Variants in MUC12 observed in about 807,000 individuals in gnomAD.
The protein encoded by MUC12 is mucin-12.
In MUC12, 172 loss-of-function variants were observed where a neutral mutation model predicts 230.8. The ratio of observed to expected loss-of-function variants is 0.75; its 90% CI spans 0.66 to 0.85. The LOEUF (loss-of-function observed/expected upper bound fraction) is 0.85, where lower values mean the gene tolerates loss of function less well. MUC12 is among the 40% of genes least tolerant of loss of function. MUC12 has a pLI of 0.00. For missense variants in MUC12, 3,506 were observed against 5,920.6 expected, an observed-to-expected ratio of 0.59 and a Z score of 13.38; for synonymous variants, 1,259 against 2,401.9, an observed-to-expected ratio of 0.52 and a Z score of 13.91.
At chr7:100,972,992 G>C (rs1403155347) in intron 1 of MUC12, 2 of 703,004 alleles carry the variant, frequency 2.8e-6, no homozygotes, top group Non-Finnish European at 5.2e-6. Flanking sequence ...AAAGATGAGG[G>C]GGCATCTGCT....
chr7:100,995,990 T>G lies in MUC12; in HGVS notation c.5427T>G (p.Ser1809=). 1 of 763,640 alleles carries G rather than the reference T, an allele frequency of 1.3e-6. No homozygotes were observed. The highest frequency in any genetic ancestry group is 1.9e-6 in the Non-Finnish European group (1 of 517,550). The allele number at this position is 763,640 out of a possible 1,614,324, so 47.3% of individuals were successfully genotyped here. ...TSHSSTTHTI[S]SPPSTTSALV... ...ACAGCAGCACAACACACACAATATC[T>G]TCACCTCCTAGCACCACATCTGCCC... Residue 1809 remains serine (S), a synonymous_variant, in exon 2 of 12, where the codon TCT becomes TCG. Transcript: ENST00000536621.
At chr7:100,981,876 T>TC (rs1169989845) in intron 1 of MUC12, among the ~76,000 whole-genome samples, 2 of 149,914 alleles carry the variant, frequency 1.3e-5, no homozygotes, top group Non-Finnish European at 3.0e-5. Flanking sequence ...CTTTTTTTTT[T>TC]TTTTTTTTGA....
At chr7:101,007,395 TC>T (rs1382998480) in intron 3 of MUC12, among the ~76,000 whole-genome samples, 2 of 152,174 alleles carry the variant, frequency 1.3e-5, no homozygotes, top group African/African-American at 4.8e-5. Context: ...CCCTCTCACC[TC>T]CACCCTACTA....
chr7:101,006,417 GT>G, intron 2 of MUC12, 53 bp from the exon 3 acceptor site: 1 of 1,293,116 alleles, frequency 7.7e-7, no homozygotes, highest in Non-Finnish European at 1.1e-6. Context: ...GGGAGTGCGT[GT>G]TTTTGCTCTT....
In MUC12 at chr7:100,990,907, C is replaced by A. The variant is rs559764350; in HGVS notation, c.344C>A (p.Thr115Asn). The A allele has an allele frequency of 2.6e-6, 4 of 1,537,870 alleles. No homozygotes were observed. Among genetic ancestry groups the A allele is most frequent in the Admixed American group, 3.9e-5 (2 of 51,004 alleles). ...GGAGAACCTAAAACCTCACCCATCA[C>A]TTCAGCCTCAATGGAAACAACAGCG... Reference protein sequence around the residue: ...FVGEPKTSPITSASMETTALP... With the variant: ...FVGEPKTSPINSASMETTALP... Residue 115 changes from threonine to asparagine, a missense_variant, in exon 2 of 12, where the codon ACT becomes AAT. By Grantham distance (65) the Thr-to-Asn change is moderately conservative. Coordinates refer to ENST00000536621, the MANE Select transcript of MUC12 (RefSeq NM_001164462.2).
At position 101,013,080 on chromosome 7, in the gene MUC12, G is replaced by C. The variant is rs112092593; in HGVS notation, c.15576G>C (p.Thr5192=). ...LACVNKCTKG[T]KSQMNCNLGT... ...GTGTGAACAAGTGCACCAAAGGAAC[G>C]AAGTCGCAAATGAACTGTAACCTGG... The change falls in exon 8 of 12, where the codon ACG becomes ACC. Residue 5192 remains threonine, a synonymous_variant. Coordinates refer to ENST00000536621, the MANE Select transcript of MUC12 (RefSeq NM_001164462.2). 6.5e-7 allele frequency: 1 copy of C among 1,537,282 alleles called. No individual in the cohort carries two copies. Among genetic ancestry groups the C allele is most frequent in the South Asian group, 1.2e-5 (1 of 84,064 alleles).
rs201496632 is a variant in MUC12 at position 100,994,184 on chromosome 7, C to T, written c.3621C>T (p.Thr1207=). ...HTTLFTEDST[T]SGLTEESTAF... is the part of the protein sequence containing the mutation. ...CACTGTTCACTGAGGACAGCACCAC[C>T]TCGGGCCTCACTGAAGAATCTACAG... The change falls in exon 2 of 12, where the codon ACC becomes ACT. Residue 1207 remains threonine (T), a synonymous_variant. Coordinates refer to ENST00000536621, the MANE Select transcript of MUC12 (RefSeq NM_001164462.2). 152,119 of 1,057,050 alleles carry T rather than the reference C, an allele frequency of 0.14. 50,187 individuals carry two copies. The highest frequency in any genetic ancestry group is 0.46 in the Admixed American group (18,625 of 40,308). The allele number at this position is 1,057,050 out of a possible 1,614,324, so 65.5% of individuals were successfully genotyped here.
In MUC12 at chr7:100,998,179, C is replaced by T; in HGVS notation, c.7616C>T (p.Ser2539Phe). 2 of 902,414 alleles carry T rather than the reference C, an allele frequency of 2.2e-6. No individual in the cohort carries two copies. Among genetic ancestry groups the T allele is most frequent in the Non-Finnish European group, 3.3e-6 (2 of 602,522 alleles). The allele number at this position is 902,414 out of a possible 1,614,324, so 55.9% of individuals were successfully genotyped here. ...CGCACAACACTGTCCCCTGCCAGCT[C>T]CACAAGCCCTGGACTTCAGGGAGAA... Reference protein sequence around the residue: ...SPRTTLSPASSTSPGLQGEST... With the variant: ...SPRTTLSPASFTSPGLQGEST... Residue 2539 changes from serine (S) to phenylalanine (F), a missense_variant, in exon 2 of 12, where the codon TCC becomes TTC. Transcript: ENST00000536621.
In MUC12 at chr7:100,990,706, C is replaced by T; in HGVS notation, c.143C>T (p.Thr48Ile). The change falls in exon 2 of 12, where the codon ACC (threonine) becomes ATC (isoleucine). Residue 48 changes from threonine (T) to isoleucine (I), a missense_variant. Coordinates refer to ENST00000536621, the MANE Select transcript of MUC12 (RefSeq NM_001164462.2). Reference protein sequence around the residue: ...STPSSSDPFTTFSDYGVSVTF... With the variant: ...STPSSSDPFTIFSDYGVSVTF... ...CCCAGTTCAAGCGACCCTTTTACCA[C>T]CTTTAGTGACTATGGGGTGTCAGTC... 1 of 1,537,908 alleles carries T rather than the reference C, an allele frequency of 6.5e-7. No individual in the cohort carries two copies. Among genetic ancestry groups the T allele is most frequent in the Non-Finnish European group, 8.7e-7 (1 of 1,147,068 alleles).
Position 100,991,426 on chromosome 7 carries a change from C to G in MUC12, c.863C>G (p.Ser288Trp), listed in dbSNP as rs1198721514. The G allele has an allele frequency of 6.5e-7, 1 of 1,537,826 alleles. No individual in the cohort carries two copies. Among genetic ancestry groups the G allele is most frequent in the Non-Finnish European group, 8.7e-7 (1 of 1,147,038 alleles). Residue 288 changes from serine (S) to tryptophan (W), a missense_variant, in exon 2 of 12, where the codon TCG becomes TGG. Transcript: ENST00000536621. ...FQSWPSSKDT[S>W]PAPSGTTSAF... Reference sequence around the variant, plus strand: ...AGCTGGCCAAGCTCAAAGGACACTTCGCCTGCACCTTCTGGTACCACATCA... The same window carrying G: ...AGCTGGCCAAGCTCAAAGGACACTTGGCCTGCACCTTCTGGTACCACATCA...
chr7:101,018,617 T>C lies in MUC12; in HGVS notation c.15989T>C (p.Met5330Thr), dbSNP rs1228173955. 6.5e-7 allele frequency: 1 copy of C among 1,536,008 alleles called. No homozygotes were observed. The highest frequency in any genetic ancestry group is 8.7e-7 in the Non-Finnish European group (1 of 1,146,278). The change falls in exon 12 of 12, where the codon ATG becomes ACG. Residue 5330 changes from methionine to threonine, a missense_variant. Physicochemically the swap from Met to Thr is moderately conservative, Grantham distance 81 (BLOSUM62 -1). Transcript: ENST00000536621. ...GTELHIQRPE[M>T]VASTV is the part of the protein sequence containing the mutation. ...CAGCTCCACATCCAGAGGCCGGAGATGGTAGCATCCACTGTGTGAGCCAAC... is the reference window on the plus strand; with the variant it reads ...CAGCTCCACATCCAGAGGCCGGAGACGGTAGCATCCACTGTGTGAGCCAAC...
chr7:101,005,377 C>A lies in MUC12; in HGVS notation c.14814C>A (p.Ile4938=), dbSNP rs935410705. 1 of 1,537,790 alleles carries A rather than the reference C, an allele frequency of 6.5e-7. No individual in the cohort carries two copies. Among genetic ancestry groups the A allele is most frequent in the Non-Finnish European group, 8.7e-7 (1 of 1,147,070 alleles). Residue 4938 remains isoleucine (I), a synonymous_variant, in exon 2 of 12, where the codon ATC becomes ATA. Transcript: ENST00000536621. The part of the protein sequence containing the change: ...DLVGEPTTFY[I]SPSPTYTTLF... ...TTGGAGAACCTACAACTTTCTACATCAGCCCATCCCCTACTTACACAACAC... is the reference window on the plus strand; with the variant it reads ...TTGGAGAACCTACAACTTTCTACATAAGCCCATCCCCTACTTACACAACAC...
In MUC12 at chr7:100,971,691, C is replaced by G. The variant is rs553056418; in HGVS notation, c.67+2002C>G. Among the ~76,000 whole-genome samples the G allele has an allele frequency of 2.5e-3, 386 of 152,234 alleles. No individual in the cohort carries two copies. In the East Asian group the frequency reaches 0.037, roughly 15 times the overall value. On this transcript the variant is annotated intron_variant, in intron 1 of 11. Coordinates refer to ENST00000536621, the MANE Select transcript of MUC12 (RefSeq NM_001164462.2). Reference sequence around the variant, plus strand: ...AGTTTATTAATAAGACATAGATTCCCTTTAAGTTCACCTACAGAAGTGGGA... The same window carrying G: ...AGTTTATTAATAAGACATAGATTCCGTTTAAGTTCACCTACAGAAGTGGGA...
intron 1 of MUC12, chr7:100,973,007 G>A: frequency 1.6e-6 from 1 of 633,798 alleles, no homozygotes; most frequent in East Asian, 2.8e-5. Context: ...TCTGCTGGAT[G>A]GAGCGTGATG....
intron 10 of MUC12, 106 bp downstream of exon 10, chr7:101,015,797 GT>G: frequency 9.7e-7 from 1 of 1,034,338 alleles, no homozygotes; most frequent in Non-Finnish European, 1.4e-6. Flanking sequence ...CCCCTTTGGG[GT>G]GGCTGTGACT....
At chr7:101,006,325 C>G (rs550125752) in intron 2 of MUC12, 146 bp from the exon 3 acceptor site, 1 of 619,158 alleles carries the variant, frequency 1.6e-6, no homozygotes, top group South Asian at 1.9e-5. Flanking sequence ...GCAGAGGTGG[C>G]AGCAGAGGCA....
In MUC12 at chr7:100,991,692, T is replaced by C. The variant is rs751932100; in HGVS notation, c.1129T>C (p.Ser377Pro). 3 of 1,537,554 alleles carry C rather than the reference T, an allele frequency of 2.0e-6. No homozygotes were observed. Among genetic ancestry groups the C allele is most frequent in the African/African-American group, 2.7e-5 (2 of 72,964 alleles). ...STQTMHFPES[S>P]TTSGHSEESA... ...TCAAACAATGCACTTCCCTGAAAGC[T>C]CCACAACTTCAGGCCATAGTGAAGA... The change falls in exon 2 of 12, where the codon TCC (serine) becomes CCC (proline). Residue 377 changes from serine (S) to proline (P), a missense_variant. Physicochemically the swap from Ser to Pro is moderately conservative, Grantham distance 74. Coordinates refer to ENST00000536621, the MANE Select transcript of MUC12 (RefSeq NM_001164462.2).
At chr7:100,969,822 A>T in intron 1 of MUC12, 133 bp downstream of exon 1, 1 of 1,337,488 alleles carries the variant, frequency 7.5e-7, no homozygotes, top group Non-Finnish European at 1.0e-6. Context: ...AGGGCTGGAG[A>T]CCCGTGCTGT....
At chr7:101,007,067 T>C (rs897261662) in intron 3 of MUC12, among the ~76,000 whole-genome samples, 1 of 152,186 alleles carries the variant, frequency 6.6e-6, no homozygotes, top group Non-Finnish European at 1.5e-5. Flanking sequence ...CAGGTGATTC[T>C]CCTGCCTCAG....
Sources: allele counts gnomAD v4.1 joint callset (sites outside exome capture counted in the v4.1 genomes callset), GRCh38; gene constraint gnomAD v4.1.1; transcripts MANE v1.5; gene names NCBI Gene and HGNC (gene_info 2026-07-23, HGNC 2026-07-21).